Variants in NAA35 observed in about 807,000 individuals in gnomAD.
NAA35 encodes N-alpha-acetyltransferase 35, NatC auxiliary subunit, also known as MAK10 homolog, amino-acid N-acetyltransferase subunit.
Under a neutral mutation model 101.7 loss-of-function variants are expected in NAA35, and 18 were observed. The ratio of observed to expected loss-of-function variants is 0.18; its 90% confidence interval spans 0.12 to 0.26. The LOEUF is 0.26. Among genes scored for constraint, NAA35 ranks in the 10% least tolerant of loss-of-function variants. NAA35 has a pLI of 1.00. For synonymous variants in NAA35, 267 were observed against 273.1 expected (o/e 0.98, Z 0.22); for missense variants, 601 against 886.8 (o/e 0.68, Z 4.09).
In NAA35 at chr9:86,018,722, T is replaced by C. The variant is rs764827218; in HGVS notation, c.1938T>C (p.Tyr646=). Residue 646 remains tyrosine (Y), a synonymous_variant, in exon 21 of 23, where the codon TAT becomes TAC. Coordinates refer to ENST00000361671, the MANE Select transcript of NAA35 (RefSeq NM_024635.4). ...AGGAAATGTCTGACCTCAATAAATA[T>C]AGCCCTCCTCCTCAGTCTCCTGAAC... ...QFKEMSDLNK[Y]SPPPQSPELY... 3.7e-6 allele frequency: 6 copies of C among 1,613,994 alleles called. No individual in the cohort carries two copies. The highest frequency in any genetic ancestry group is 3.3e-5 in the South Asian group (3 of 91,038).
intron 12 of NAA35, among the ~76,000 whole-genome samples, chr9:85,998,002 C>A (rs1012341944): frequency 2.6e-5 from 4 of 152,114 alleles, no homozygotes; most frequent in African/African-American, 9.7e-5. Flanking sequence ...GCAAGCTCCA[C>A]CTCCCAGGTT....
chr9:85,985,227 GAT>G (rs1242965243), intron 11 of NAA35, among the ~76,000 whole-genome samples: 2 of 152,178 alleles, frequency 1.3e-5, no homozygotes, highest in African/African-American at 4.8e-5. Context: ...CTCTCTTGGA[GAT>G]AGTCTGGTAG....
chr9:86,012,121 T>G lies in NAA35; in HGVS notation c.1291-925T>G, dbSNP rs576080231. On this transcript the variant is annotated intron_variant, in intron 15 of 22. Coordinates refer to ENST00000361671, the MANE Select transcript of NAA35 (RefSeq NM_024635.4). ...ACTTTAATTTTTAAACTTTCCCTTT[T>G]TTTTTTGTTTTTTTTTGAGATGAAG... Among the ~76,000 whole-genome samples, 240 of 150,308 alleles carry G rather than the reference T, an allele frequency of 1.6e-3. 1 individual carries two copies. The highest frequency in any genetic ancestry group is 3.7e-3 in the African/African-American group (151 of 40,878).
At chr9:85,977,141 A>G (rs555584970) in intron 9 of NAA35, among the ~76,000 whole-genome samples, 1 of 152,240 alleles carries the variant, frequency 6.6e-6, no homozygotes, top group East Asian at 1.9e-4. Context: ...TTAGGACAAG[A>G]TCAGTGCTGT....
At chr9:85,966,113 A>G (rs377747561) in intron 6 of NAA35, among the ~76,000 whole-genome samples, 1 of 151,658 alleles carries the variant, frequency 6.6e-6, no homozygotes, top group Non-Finnish European at 1.5e-5. Context: ...CTAATTTTTA[A>G]TTTTTTTTGT....
chr9:86,004,403 T>C (rs1394422313), intron 13 of NAA35, among the ~76,000 whole-genome samples: 2 of 146,002 alleles, frequency 1.4e-5, no homozygotes, highest in African/African-American at 5.1e-5. Flanking sequence ...CGCTTGAACC[T>C]GGGAAATCCA....
chr9:86,004,001 G>T (rs1235615136), intron 13 of NAA35, among the ~76,000 whole-genome samples: 2 of 152,128 alleles, frequency 1.3e-5, no homozygotes, highest in East Asian at 1.9e-4. Context: ...AGGTCTTGAG[G>T]GGAGTTCAAA....
At chr9:85,946,700 G>T (rs1828779596) in intron 2 of NAA35, among the ~76,000 whole-genome samples, 2 of 145,042 alleles carry the variant, frequency 1.4e-5, no homozygotes, top group African/African-American at 5.4e-5. Flanking sequence ...TTTTTTTAAA[G>T]CTCATCACCT....
At chr9:85,980,540 G>A (rs969735284) in intron 11 of NAA35, among the ~76,000 whole-genome samples, 6 of 152,158 alleles carry the variant, frequency 3.9e-5, no homozygotes, top group African/African-American at 1.4e-4. Flanking sequence ...CACCCTCTGT[G>A]TTCTCACTGC....
intron 11 of NAA35, among the ~76,000 whole-genome samples, chr9:85,993,935 A>G (rs1481012973): frequency 2.0e-5 from 3 of 151,540 alleles, no homozygotes; most frequent in African/African-American, 4.9e-5. Flanking sequence ...CAGCCTCCCC[A>G]GTAGCCAGGA....
At chr9:85,956,505 G>A in intron 3 of NAA35, 112 bp downstream of exon 3, 1 of 548,736 alleles carries the variant, frequency 1.8e-6, no homozygotes, top group Non-Finnish European at 2.9e-6. Context: ...TCAAAATTGT[G>A]AAAATAAAAC....
chr9:85,984,148 C>A (rs1830551844), intron 11 of NAA35, among the ~76,000 whole-genome samples: 1 of 151,658 alleles, frequency 6.6e-6, no homozygotes, highest in Non-Finnish European at 1.5e-5. Context: ...TACAACATAG[C>A]AAGACCCCAT....
chr9:85,979,849 G>A (rs996700857), intron 11 of NAA35, among the ~76,000 whole-genome samples: 4 of 152,104 alleles, frequency 2.6e-5, no homozygotes, highest in Admixed American at 1.3e-4. Flanking sequence ...GAGTGTTTGT[G>A]GTAGTGTGGA....
At chr9:85,977,719 A>C (rs1277571886) in intron 10 of NAA35, among the ~76,000 whole-genome samples, 3 of 152,146 alleles carry the variant, frequency 2.0e-5, no homozygotes, top group Non-Finnish European at 4.4e-5. Flanking sequence ...GAGAAAGTAA[A>C]ATTTTAGGTA....
intron 2 of NAA35, among the ~76,000 whole-genome samples, chr9:85,947,355 G>T (rs903854066): frequency 6.6e-6 from 1 of 152,154 alleles, no homozygotes; most frequent in Non-Finnish European, 1.5e-5. Flanking sequence ...CCCCATCTGT[G>T]TGGGGTGAGA....
chr9:86,009,246 T>C (rs1831790703), intron 14 of NAA35, among the ~76,000 whole-genome samples: 1 of 152,234 alleles, frequency 6.6e-6, no homozygotes, highest in African/African-American at 2.4e-5. Context: ...AAAGATGTAA[T>C]GAACCTTCAG....
chr9:86,016,679 C>T lies in NAA35; in HGVS notation c.1705+4C>T, dbSNP rs1256830642. 1.9e-6 allele frequency: 3 copies of T among 1,609,016 alleles called. No homozygotes were observed. The highest frequency in any genetic ancestry group is 2.5e-6 in the Non-Finnish European group (3 of 1,179,106). Reference sequence around the variant, plus strand: ...AAAACAAAGAAAAAAAAGAAAGGTGCTGTGGATTATTTTTAAACTTAAGAA... The same window carrying T: ...AAAACAAAGAAAAAAAAGAAAGGTGTTGTGGATTATTTTTAAACTTAAGAA... On this transcript the variant is annotated splice_donor_region_variant and intron_variant, in intron 18 of 22. Coordinates refer to ENST00000361671, the MANE Select transcript of NAA35 (RefSeq NM_024635.4).
Position 86,022,626 on chromosome 9 carries a change from A to C in NAA35, c.*666A>C, listed in dbSNP as rs1832619182. On this transcript the variant is annotated 3_prime_UTR_variant, in exon 23 of 23. Transcript: ENST00000361671. ...TGCTGGTGACATGCAAAAAGGAGGC[A>C]GATAGAAATGTATATAGATTAAAAT... Among the ~76,000 whole-genome samples the C allele has an allele frequency of 6.6e-6, 1 of 152,246 alleles. No homozygotes were observed. Among genetic ancestry groups the C allele is most frequent in the African/African-American group, 2.4e-5 (1 of 41,456 alleles).
chr9:85,998,305 C>G (rs935120715), intron 12 of NAA35, among the ~76,000 whole-genome samples: 1 of 152,152 alleles, frequency 6.6e-6, no homozygotes, highest in Non-Finnish European at 1.5e-5. Flanking sequence ...TCATGAACAT[C>G]TTCCTTTTCA....
Sources: gnomAD v4.1 joint callset for allele counts (sites outside exome capture counted in the v4.1 genomes callset) on GRCh38, gnomAD v4.1.1 for gene constraint, MANE v1.5 for transcripts, NCBI Gene and HGNC (gene_info 2026-07-23, HGNC 2026-07-21) for gene names.